Variants in SH3GL3 observed in about 807,000 individuals in gnomAD.
The protein encoded by SH3GL3 is endophilin-A3.
SH3GL3 carries 33 observed loss-of-function variants against 47.7 expected under a neutral mutation model. That is an observed-to-expected ratio of 0.69 (90% CI 0.52 to 0.92). SH3GL3 has a LOEUF of 0.92. Ranked by LOEUF, SH3GL3 falls within the 40% of genes least tolerant of loss-of-function variation. The pLI, the probability that SH3GL3 is intolerant of heterozygous loss-of-function variation, is 0.00. For synonymous variants in SH3GL3, 155 were observed against 148.8 expected (o/e 1.04, Z -0.30); for missense variants, 363 against 417.8 (o/e 0.87, Z 1.14).
At chr15:83,606,795 C>T (rs1567033215) in intron 8 of SH3GL3, among the ~76,000 whole-genome samples, 1 of 152,220 alleles carries the variant, frequency 6.6e-6, no homozygotes, top group Non-Finnish European at 1.5e-5. Flanking sequence ...GGACTTAATA[C>T]ATTCCAAGGT....
At chr15:83,514,506 A>G (rs550797917) in intron 1 of SH3GL3, among the ~76,000 whole-genome samples, 1 of 152,320 alleles carries the variant, frequency 6.6e-6, no homozygotes, top group South Asian at 2.1e-4. Flanking sequence ...AGTCTATTGG[A>G]GCATTCTTTG....
intron 5 of SH3GL3, among the ~76,000 whole-genome samples, chr15:83,574,133 G>A (rs957842647): frequency 2.0e-5 from 3 of 152,170 alleles, no homozygotes; most frequent in African/African-American, 4.8e-5. Context: ...CCAGGGGATA[G>A]GGTGTGTAGG....
intron 1 of SH3GL3, among the ~76,000 whole-genome samples, chr15:83,494,059 A>T (rs1567270549): frequency 3.3e-5 from 5 of 152,230 alleles, no homozygotes. Flanking sequence ...TTAGGGCATT[A>T]GCCAAATGGC....
At chr15:83,616,035 T>G (rs2060803323) in intron 8 of SH3GL3, among the ~76,000 whole-genome samples, 1 of 151,992 alleles carries the variant, frequency 6.6e-6, no homozygotes, top group South Asian at 2.1e-4. Flanking sequence ...CCCCTTTCCC[T>G]GCCCCACTGC....
Position 83,447,628 on chromosome 15 carries a change from G to GC in SH3GL3, c.45+56dup. The GC allele has an allele frequency of 1.5e-6, 2 of 1,309,082 alleles. No individual in the cohort carries two copies. The highest frequency in any genetic ancestry group is 2.1e-6 in the Non-Finnish European group (2 of 971,226). The allele number at this position is 1,309,082 out of a possible 1,614,324, so 81.1% of individuals were successfully genotyped here. ...GAGGGAGGGGGACGCGGAGGCTGCG[G>GC]CCCCCCGAGGCTCCCGGGCCTTTGG... On this transcript the variant is annotated intron_variant, in intron 1 of 8. Coordinates refer to ENST00000427482, the MANE Select transcript of SH3GL3 (RefSeq NM_003027.5). The surrounding 1 kb of genome is among the most constrained non-coding windows in gnomAD (Gnocchi z 5.1).
chr15:83,473,372 T>C (rs1039331170), intron 1 of SH3GL3, among the ~76,000 whole-genome samples: 14 of 151,954 alleles, frequency 9.2e-5, no homozygotes, highest in African/African-American at 3.1e-4. Context: ...ATTCATCCTT[T>C]GCTGGTGTGG....
At chr15:83,562,829 A>G (rs1206783136) in intron 2 of SH3GL3, among the ~76,000 whole-genome samples, 1 of 152,234 alleles carries the variant, frequency 6.6e-6, no homozygotes, top group Non-Finnish European at 1.5e-5. Flanking sequence ...TATTTAGTTA[A>G]TCAGATTCTC....
At chr15:83,545,934 A>G (rs1430971491) in intron 1 of SH3GL3, among the ~76,000 whole-genome samples, 1 of 152,194 alleles carries the variant, frequency 6.6e-6, no homozygotes, top group African/African-American at 2.4e-5. Flanking sequence ...GGGTGATACA[A>G]GCACTCCTGT....
At chr15:83,614,858 T>C (rs935398094) in intron 8 of SH3GL3, among the ~76,000 whole-genome samples, 3 of 152,108 alleles carry the variant, frequency 2.0e-5, no homozygotes, top group South Asian at 2.1e-4. Flanking sequence ...GTCTTCCTCC[T>C]CCCATAATGC....
At chr15:83,546,488 C>A (rs192906530) in intron 1 of SH3GL3, among the ~76,000 whole-genome samples, 1 of 152,042 alleles carries the variant, frequency 6.6e-6, no homozygotes, top group Admixed American at 6.6e-5. Flanking sequence ...AGGCCTGGAA[C>A]TGAGGAAATG....
intron 8 of SH3GL3, among the ~76,000 whole-genome samples, chr15:83,597,773 C>A (rs1454445077): frequency 6.6e-6 from 1 of 151,996 alleles, no homozygotes; most frequent in Admixed American, 6.6e-5. Flanking sequence ...CCGTACCTGG[C>A]TAATTTTTGT....
At chr15:83,619,962 A>G (rs1212384224), downstream of SH3GL3, among the ~76,000 whole-genome samples, 1 of 152,248 alleles carries the variant, frequency 6.6e-6, no homozygotes. Context: ...AAGTTTATGT[A>G]ATATTCTAAA....
At chr15:83,493,672 G>A (rs991349291) in intron 1 of SH3GL3, among the ~76,000 whole-genome samples, 2 of 150,878 alleles carry the variant, frequency 1.3e-5, no homozygotes, top group African/African-American at 2.4e-5. Context: ...TGCCCTGAGC[G>A]ATTCCTCTGG....
chr15:83,460,108 T>A (rs1165847959), intron 1 of SH3GL3, among the ~76,000 whole-genome samples: 5 of 139,128 alleles, frequency 3.6e-5, no homozygotes, highest in Non-Finnish European at 7.7e-5. Flanking sequence ...CTTCCTTCCT[T>A]CCTTCCTTCC....
the SH3GL3 span, among the ~76,000 whole-genome samples, chr15:83,630,489 A>G: frequency 1.3e-5 from 2 of 152,150 alleles, no homozygotes; most frequent in African/African-American, 4.8e-5. Context: ...GGTAATTTAT[A>G]AAGGAAAGAG....
chr15:83,596,685 G>T (rs944091481), intron 8 of SH3GL3, among the ~76,000 whole-genome samples: 4 of 152,082 alleles, frequency 2.6e-5, no homozygotes, highest in African/African-American at 9.7e-5. Context: ...GCTCAGGCTG[G>T]TCTCCAACTC....
At chr15:83,615,594 G>C (rs2060791431) in intron 8 of SH3GL3, among the ~76,000 whole-genome samples, 1 of 152,138 alleles carries the variant, frequency 6.6e-6, no homozygotes, top group Non-Finnish European at 1.5e-5. Context: ...TTACAGGTGT[G>C]AGCCACCACA....
chr15:83,492,347 G>A (rs188426183), intron 1 of SH3GL3, among the ~76,000 whole-genome samples: 2 of 151,310 alleles, frequency 1.3e-5, no homozygotes, highest in Non-Finnish European at 2.9e-5. Flanking sequence ...CAACACTATG[G>A]GAATGAAGTC....
At chr15:83,488,206 A>G (rs1292780612) in intron 1 of SH3GL3, 1 of 152,298 alleles carries the variant, frequency 6.6e-6, no homozygotes, top group South Asian at 2.1e-4. Context: ...CTGACAAATG[A>G]AAAAAATGGA....
Sources: gnomAD v4.1 joint callset for allele counts (sites outside exome capture counted in the v4.1 genomes callset) on GRCh38, gnomAD v4.1.1 for gene constraint, Gnocchi (gnomAD v3.1) non-coding constraint, MANE v1.5 for transcripts, NCBI Gene and HGNC (gene_info 2026-07-23, HGNC 2026-07-21) for gene names.